Variants in AK8 observed in about 807,000 individuals in gnomAD.
AK8 encodes the protein ATP-AMP transphosphorylase 8.
Under a neutral mutation model 54.6 loss-of-function variants are expected in AK8, and 44 were observed. The observed-to-expected ratio is 0.81, with a 90% CI of 0.63 to 1.04. The LOEUF (loss-of-function observed/expected upper bound fraction) is 1.04, where lower values mean the gene tolerates loss of function less well. Among genes scored for constraint, AK8 ranks in the 50% least tolerant of loss-of-function variants. AK8 has a pLI of 0.00. For synonymous variants in AK8, 239 were observed against 245.6 expected (o/e 0.97, Z 0.25); for missense variants, 555 against 613.6 (o/e 0.90, Z 1.01).
intron 11 of AK8, among the ~76,000 whole-genome samples, chr9:132,760,760 G>C (rs1484366475): frequency 6.6e-6 from 1 of 152,054 alleles, no homozygotes; most frequent in East Asian, 1.9e-4. Flanking sequence ...TCAGTTTATA[G>C]CTAAGAATTT....
chr9:132,822,296 T>C (rs1270382820), intron 9 of AK8, among the ~76,000 whole-genome samples: 1 of 142,948 alleles, frequency 7.0e-6, no homozygotes, highest in African/African-American at 2.6e-5. Context: ...TGTATGTATA[T>C]ACAAATATAT....
chr9:132,847,179 T>C (rs1351993162), intron 5 of AK8, among the ~76,000 whole-genome samples: 1 of 152,192 alleles, frequency 6.6e-6, no homozygotes, highest in Non-Finnish European at 1.5e-5. Flanking sequence ...ACACAGCAGT[T>C]CCTGCTCAAG....
chr9:132,795,676 C>T (rs11243913), intron 10 of AK8, among the ~76,000 whole-genome samples: 6 of 152,064 alleles, frequency 3.9e-5, no homozygotes, highest in Admixed American at 3.9e-4. Context: ...ATACGGTCTA[C>T]GCAGCAAGCC....
At chr9:132,840,131 A>C (rs1842478706) in intron 5 of AK8, among the ~76,000 whole-genome samples, 1 of 152,044 alleles carries the variant, frequency 6.6e-6, no homozygotes, top group African/African-American at 2.4e-5. Flanking sequence ...GTCACCTCTT[A>C]AAGGTAGTAC....
Position 132,799,262 on chromosome 9 carries a change from C to G in AK8, c.980-6487G>C, listed in dbSNP as rs1373634331. On this transcript the variant is annotated intron_variant, in intron 10 of 12. Transcript: ENST00000298545. This position sits in a 1 kb window ranked among gnomAD's most constrained non-coding sequence, Gnocchi z 5.0. ...GTTGAGGGAGAAGATATGAGGGACA[C>G]TAAGGTTTCTGGGGCTGGCATATAA... 1.3e-5 allele frequency among the ~76,000 whole-genome samples: 2 copies of G among 152,104 alleles called. No individual in the cohort carries two copies. The highest frequency in any genetic ancestry group is 4.8e-5 in the African/African-American group (2 of 41,410).
intron 5 of AK8, among the ~76,000 whole-genome samples, chr9:132,840,691 G>C (rs113793600): frequency 1.3e-5 from 2 of 152,118 alleles, no homozygotes; most frequent in African/African-American, 4.8e-5. Context: ...TCAGGAGATC[G>C]AGACCAGCCT....
rs768232890 is a variant in AK8, at chr9:132,826,811, C to T, written c.757+43G>A. ...TGGTAGAAGGCACAGCGAGCCCCGC[C>T]CTTGGCCGTCTGTCCAGGGTGGGGC... On this transcript the variant is annotated intron_variant, in intron 8 of 12. Coordinates refer to ENST00000298545, the MANE Select transcript of AK8 (RefSeq NM_152572.3). This position sits in a 1 kb window ranked among gnomAD's most constrained non-coding sequence, Gnocchi z 4.5. 3 of 1,597,556 alleles carry T rather than the reference C, an allele frequency of 1.9e-6. No individual in the cohort carries two copies. The highest frequency in any genetic ancestry group is 2.7e-5 in the African/African-American group (2 of 74,532).
At chr9:132,744,866 A>C (rs1037047546) in intron 11 of AK8, among the ~76,000 whole-genome samples, 5 of 152,218 alleles carry the variant, frequency 3.3e-5, no homozygotes, top group African/African-American at 1.2e-4. Flanking sequence ...GGGGGGCCGT[A>C]AGACAAGAAT....
At chr9:132,753,891 A>G (rs551027091) in intron 11 of AK8, among the ~76,000 whole-genome samples, 2 of 152,206 alleles carry the variant, frequency 1.3e-5, no homozygotes, top group African/African-American at 4.8e-5. Flanking sequence ...TGCCGTCTGA[A>G]TTAGGTCCCA....
At position 132,875,136 on chromosome 9, in the gene AK8, A is replaced by G. The variant is rs778621080; in HGVS notation, c.148T>C (p.Leu50=). 6 of 1,614,034 alleles carry G rather than the reference A, an allele frequency of 3.7e-6. No individual in the cohort carries two copies. In the African/African-American group the frequency reaches 5.3e-5, roughly 14 times the overall value. Residue 50 remains leucine, a synonymous_variant, in exon 2 of 13, where the codon TTG becomes CTG. Coordinates refer to ENST00000298545, the MANE Select transcript of AK8 (RefSeq NM_152572.3). The part of the protein sequence containing the change: ...EDPIPFMIQH[L]HRDNDNVPRI... Reference sequence around the variant, plus strand: ...TCACCATTGTCGTTGTCTCTATGCAAGTGCTGGATCATGAAGGGGATGGGA... The same window carrying G: ...TCACCATTGTCGTTGTCTCTATGCAGGTGCTGGATCATGAAGGGGATGGGA...
In AK8 at chr9:132,850,550, A is replaced by C. The variant is rs214632; in HGVS notation, c.402+4307T>G. 7.9e-5 allele frequency among the ~76,000 whole-genome samples: 12 copies of C among 151,742 alleles called. No individual in the cohort carries two copies. The East Asian group carries it at 1.7e-3, about 22-fold the overall frequency. On this transcript the variant is annotated intron_variant, in intron 5 of 12. Transcript: ENST00000298545. ...GTAGCTGGGATTACAGGCACCCACC[A>C]CCATGCCCAGCTAATTTTTATATTT... is the stretch of plus-strand genomic sequence containing the variant.
intron 11 of AK8, among the ~76,000 whole-genome samples, chr9:132,748,790 C>T (rs1001303925): frequency 2.6e-5 from 4 of 151,880 alleles, no homozygotes; most frequent in African/African-American, 9.7e-5. Flanking sequence ...AAGTTGTTTG[C>T]TAAATATGGT....
At chr9:132,739,965 T>C (rs1212730441) in intron 11 of AK8, among the ~76,000 whole-genome samples, 2 of 152,256 alleles carry the variant, frequency 1.3e-5, no homozygotes, top group Non-Finnish European at 2.9e-5. Flanking sequence ...CACAGTGGCA[T>C]GCTGGTAAAC....
chr9:132,815,591 C>T (rs759161764), intron 9 of AK8, among the ~76,000 whole-genome samples: 9 of 152,128 alleles, frequency 5.9e-5, no homozygotes, highest in East Asian at 1.9e-4. Flanking sequence ...AAAGGTACCA[C>T]GCTGCAGTCA....
chr9:132,767,457 A>G (rs1564391032), intron 11 of AK8, among the ~76,000 whole-genome samples: 1 of 152,216 alleles, frequency 6.6e-6, no homozygotes, highest in Non-Finnish European at 1.5e-5. Flanking sequence ...TGAAAAAAAA[A>G]AGATGCTGGT....
At chr9:132,822,302 T>C (rs182470754) in intron 9 of AK8, among the ~76,000 whole-genome samples, 1 of 145,562 alleles carries the variant, frequency 6.9e-6, no homozygotes, top group African/African-American at 2.5e-5. Flanking sequence ...TATATACAAA[T>C]ATATACATAT....
At chr9:132,773,407 C>T (rs557637355) in intron 11 of AK8, among the ~76,000 whole-genome samples, 3 of 152,296 alleles carry the variant, frequency 2.0e-5, no homozygotes, top group South Asian at 2.1e-4. Context: ...TCCAGCTGCC[C>T]GTCTTCCCTA....
At chr9:132,771,387 G>A (rs1838973460) in intron 11 of AK8, among the ~76,000 whole-genome samples, 1 of 152,186 alleles carries the variant, frequency 6.6e-6, no homozygotes, top group Admixed American at 6.5e-5. Context: ...TCATGCACAT[G>A]GCAGCCCTCT....
intron 10 of AK8, among the ~76,000 whole-genome samples, chr9:132,800,171 C>T (rs369630642): frequency 9.8e-5 from 15 of 152,308 alleles, no homozygotes; most frequent in African/African-American, 2.6e-4. Context: ...CCATCACTCT[C>T]GGGATGGCAC....
Sources: gnomAD v4.1 joint callset for allele counts (sites outside exome capture counted in the v4.1 genomes callset) on GRCh38, gnomAD v4.1.1 for gene constraint, Gnocchi (gnomAD v3.1) non-coding constraint, MANE v1.5 for transcripts, NCBI Gene and HGNC (gene_info 2026-07-23, HGNC 2026-07-21) for gene names.